KCNIP1: variants seen among roughly 807,000 people sequenced by gnomAD.
KCNIP1 encodes potassium voltage-gated channel interacting protein 1, also known as A-type potassium channel modulatory protein KCNIP1.
In KCNIP1, 18 loss-of-function variants were observed where a neutral mutation model predicts 33.0. The ratio of observed to expected loss-of-function variants is 0.55; its 90% CI spans 0.38 to 0.81. The LOEUF (loss-of-function observed/expected upper bound fraction) is 0.81, where lower values mean the gene tolerates loss of function less well. Among genes scored for constraint, KCNIP1 ranks in the 30% least tolerant of loss-of-function variants. The pLI is 0.00. For synonymous variants in KCNIP1, 93 were observed against 98.3 expected (o/e 0.95, Z 0.32); for missense variants, 238 against 271.6 (o/e 0.88, Z 0.87).
At chr5:170,440,403 T>C (rs1401234229) in intron 1 of KCNIP1, among the ~76,000 whole-genome samples, 1 of 152,148 alleles carries the variant, frequency 6.6e-6, no homozygotes. Flanking sequence ...AGGGTCTCAG[T>C]TATTTCACAG....
chr5:170,523,846 T>C (rs1198085636), intron 1 of KCNIP1, among the ~76,000 whole-genome samples: 1 of 152,122 alleles, frequency 6.6e-6, no homozygotes, highest in Non-Finnish European at 1.5e-5. Context: ...CCATATTCTC[T>C]TCCCAGCCAG....
chr5:170,723,001 C>T (rs1174478066), intron 5 of KCNIP1, among the ~76,000 whole-genome samples, 181 bp downstream of exon 5: 1 of 152,158 alleles, frequency 6.6e-6, no homozygotes, highest in Non-Finnish European at 1.5e-5. Flanking sequence ...CTGCCCTGTT[C>T]CCAAGCGCCC....
At chr5:170,533,861 A>T (rs1052431397) in intron 1 of KCNIP1, among the ~76,000 whole-genome samples, 14 of 152,172 alleles carry the variant, frequency 9.2e-5, no homozygotes, top group Non-Finnish European at 2.9e-5. Context: ...AAATGAGCAC[A>T]ACATCTCTGA....
intron 1 of KCNIP1, among the ~76,000 whole-genome samples, chr5:170,595,766 C>A (rs879832836): frequency 1.3e-5 from 2 of 152,216 alleles, no homozygotes; most frequent in African/African-American, 2.4e-5. Context: ...ACACTGCTAG[C>A]AAATGGTTAG....
chr5:170,669,026 A>G lies in KCNIP1; in HGVS notation c.62-49732A>G, dbSNP rs79920785. 7.4e-3 allele frequency among the ~76,000 whole-genome samples: 1,127 copies of G among 152,304 alleles called. 9 individuals carry two copies. The highest frequency in any genetic ancestry group is 0.045 in the East Asian group (233 of 5,180). ...GGGTGTCCCTGCAGCCTAGCCCCAC[A>G]GCCCTCCTGCTTCTCTTTCTCATCA... On this transcript the variant is annotated intron_variant, in intron 1 of 7. Coordinates refer to ENST00000328939, the MANE Select transcript of KCNIP1 (RefSeq NM_014592.4).
At chr5:170,494,578 C>T (rs745865321) in intron 1 of KCNIP1, among the ~76,000 whole-genome samples, 1 of 152,182 alleles carries the variant, frequency 6.6e-6, no homozygotes, top group Non-Finnish European at 1.5e-5. Context: ...GCTGCTTCAT[C>T]CTTTTCCCTC....
At chr5:170,534,501 AAGGAGG>A (rs1470601528) in intron 1 of KCNIP1, among the ~76,000 whole-genome samples, 2 of 123,994 alleles carry the variant, frequency 1.6e-5, no homozygotes, top group African/African-American at 7.8e-5. Context: ...GGAGGAGGAG[AAGGAGG>A]AGAAGGAGAA....
intron 1 of KCNIP1, among the ~76,000 whole-genome samples, chr5:170,445,742 C>T (rs1487946218): frequency 5.3e-5 from 8 of 152,192 alleles, no homozygotes; most frequent in Non-Finnish European, 8.8e-5. Flanking sequence ...CACTATCCCC[C>T]GCTCCCTTTC....
intron 1 of KCNIP1, among the ~76,000 whole-genome samples, chr5:170,560,039 A>T (rs1412723809): frequency 1.3e-5 from 2 of 152,168 alleles, no homozygotes; most frequent in Non-Finnish European, 2.9e-5. Flanking sequence ...GGATTCATAG[A>T]TGATGTTCAG....
At chr5:170,424,241 C>G (rs1755564426) in intron 1 of KCNIP1, among the ~76,000 whole-genome samples, 2 of 152,192 alleles carry the variant, frequency 1.3e-5, no homozygotes, top group African/African-American at 2.4e-5. Context: ...AGGCACGAAG[C>G]TGCCATTTAT....
intron 1 of KCNIP1, among the ~76,000 whole-genome samples, chr5:170,371,010 G>T (rs964773665): frequency 5.3e-5 from 8 of 152,188 alleles, no homozygotes; most frequent in Non-Finnish European, 1.2e-4. Flanking sequence ...ATTCTAGAGC[G>T]CATGATTAAA....
chr5:170,466,747 C>T (rs10041897), intron 1 of KCNIP1, among the ~76,000 whole-genome samples: 38,722 of 151,988 alleles, frequency 0.25, 5,155 homozygotes, highest in African/African-American at 0.33. Context: ...TCTGCGACTT[C>T]ATTTATGAGG....
At chr5:170,383,749 A>G (rs1764349928) in intron 1 of KCNIP1, 1 of 1,613,956 alleles carries the variant, frequency 6.2e-7, no homozygotes, top group Non-Finnish European at 8.5e-7. Flanking sequence ...TGACACGTTG[A>G]CCCACAGGCA....
At chr5:170,380,734 G>A (rs1449695471) in intron 1 of KCNIP1, among the ~76,000 whole-genome samples, 1 of 152,186 alleles carries the variant, frequency 6.6e-6, no homozygotes, top group African/African-American at 2.4e-5. Flanking sequence ...CCTGGCCTGA[G>A]TCTCTCCAAT....
rs150346227 is a variant in KCNIP1, at chr5:170,462,800, T to G, written c.88+108836T>G. Among the ~76,000 whole-genome samples the G allele has an allele frequency of 1.5e-4, 23 of 152,238 alleles. No homozygotes were observed. The East Asian group carries it at 4.2e-3, about 28-fold the overall frequency. On this transcript the variant is annotated intron_variant, in intron 1 of 7. Transcript: ENST00000377360. ...AATACTACTCAGCCAAAAAAAGGAA[T>G]GAATTAGTGGCATTCACAGCAACCT...
chr5:170,430,440 C>T (rs747304169), intron 1 of KCNIP1, among the ~76,000 whole-genome samples: 5 of 152,138 alleles, frequency 3.3e-5, no homozygotes, highest in Non-Finnish European at 5.9e-5. Flanking sequence ...CCACCTTCTC[C>T]AGCTGTCAAA....
Position 170,491,149 on chromosome 5 carries a change from C to T in KCNIP1, c.88+137185C>T, listed in dbSNP as rs1381710214. On this transcript the variant is annotated intron_variant, in intron 1 of 7. Coordinates refer to the KCNIP1 transcript ENST00000377360. ...CACTGTCAGTCCGGACCTCCCCTCC[C>T]TCTGAGAATGAAGCAGAGAAAATGT... 2.0e-5 allele frequency among the ~76,000 whole-genome samples: 3 copies of T among 152,124 alleles called. No homozygotes were observed. In the East Asian group the frequency reaches 5.8e-4, roughly 29 times the overall value.
In KCNIP1 at chr5:170,655,175, C is replaced by G. The variant is rs866975112; in HGVS notation, c.62-63583C>G. ...GTAAATATGCCAACTCAAAATACATCCAACAAAACTAATATTTTTCCCAAT... is the reference window on the plus strand; with the variant it reads ...GTAAATATGCCAACTCAAAATACATGCAACAAAACTAATATTTTTCCCAAT... On this transcript the variant is annotated intron_variant, in intron 1 of 7. Transcript: ENST00000328939. Among the ~76,000 whole-genome samples, 9 of 152,268 alleles carry G rather than the reference C, an allele frequency of 5.9e-5. No homozygotes were observed. In the South Asian group the frequency reaches 8.3e-4, roughly 14 times the overall value.
chr5:170,652,466 C>T (rs1393927919), intron 1 of KCNIP1, among the ~76,000 whole-genome samples: 1 of 101,688 alleles, frequency 9.8e-6, no homozygotes, highest in Non-Finnish European at 1.8e-5. Flanking sequence ...GCCTGGGCAA[C>T]AGATTGAGAC....
Sources: gnomAD v4.1 joint callset for allele counts (sites outside exome capture counted in the v4.1 genomes callset) on GRCh38, gnomAD v4.1.1 for gene constraint, MANE v1.5 for transcripts, NCBI Gene and HGNC (gene_info 2026-07-23, HGNC 2026-07-21) for gene names.